GABBR2: variants seen among roughly 807,000 people sequenced by gnomAD.
GABBR2 encodes gamma-aminobutyric acid type B receptor subunit 2, also known as G-protein coupled receptor 51.
GABBR2 carries 23 observed loss-of-function variants against 105.6 expected under a neutral mutation model. That is an observed-to-expected ratio of 0.22 (90% CI 0.16 to 0.31). The LOEUF (loss-of-function observed/expected upper bound fraction) is 0.31, where lower values mean the gene tolerates loss of function less well. GABBR2 is among the 10% of genes least tolerant of loss of function. GABBR2 has a pLI of 1.00. For synonymous variants in GABBR2, 478 were observed against 499.7 expected, an observed-to-expected ratio of 0.96 and a Z score of 0.58; for missense variants, 734 against 1,245.5, an observed-to-expected ratio of 0.59 and a Z score of 6.18.
intron 3 of GABBR2, among the ~76,000 whole-genome samples, chr9:98,513,951 T>G (rs1322250538): frequency 1.3e-5 from 2 of 152,164 alleles, no homozygotes; most frequent in African/African-American, 4.8e-5. Flanking sequence ...TAAAGACACA[T>G]GCACACATGT....
rs1325590165 is a variant in GABBR2, at chr9:98,473,245, G to A, written c.900C>T (p.Ser300=). 4 of 1,613,470 alleles carry A rather than the reference G, an allele frequency of 2.5e-6. No individual in the cohort carries two copies. In the South Asian group the frequency reaches 3.3e-5, roughly 13 times the overall value. Residue 300 remains serine, a synonymous_variant, in exon 6 of 19, where the codon TCC becomes TCT. Coordinates refer to ENST00000259455, the MANE Select transcript of GABBR2 (RefSeq NM_005458.8). ...CAAGCAGATTCTTCCGGAGGCAGCG[G>A]GATGAGTTGGCTTCCGTGTGCACCT... is the stretch of plus-strand genomic sequence containing the variant. ...WEQVHTEANS[S]RCLRKNLLAA...
intron 1 of GABBR2, among the ~76,000 whole-genome samples, chr9:98,623,485 C>T (rs745651361): frequency 2.0e-5 from 3 of 152,204 alleles, no homozygotes; most frequent in Non-Finnish European, 4.4e-5. Flanking sequence ...AATTGTCTTA[C>T]AGTTTTGAAG....
At chr9:98,345,181 C>T (rs1330168786) in intron 13 of GABBR2, among the ~76,000 whole-genome samples, 1 of 152,204 alleles carries the variant, frequency 6.6e-6, no homozygotes, top group Non-Finnish European at 1.5e-5. Context: ...TGGCTTAGGT[C>T]GCCATCAGCT....
At chr9:98,630,407 A>T (rs1008545928) in intron 1 of GABBR2, among the ~76,000 whole-genome samples, 3 of 152,168 alleles carry the variant, frequency 2.0e-5, no homozygotes, top group Non-Finnish European at 2.9e-5. Context: ...TAATGTCATG[A>T]TCTTGCTTTC....
At position 98,444,879 on chromosome 9, in the gene GABBR2, G is replaced by GCGCACACACACACACA. The variant is rs939018102; in HGVS notation, c.1236+9101_1236+9102insTGTGTGTGTGTGTGCG. 1.3e-3 allele frequency among the ~76,000 whole-genome samples: 194 copies of GCGCACACACACACACA among 151,038 alleles called. 2 individuals carry two copies. The highest frequency in any genetic ancestry group is 8.9e-3 in the Admixed American group (136 of 15,206). On this transcript the variant is annotated intron_variant, in intron 7 of 18. Coordinates refer to ENST00000259455, the MANE Select transcript of GABBR2 (RefSeq NM_005458.8). ...CATGCATATGCACATGCGCGCGCGC[G>GCGCACACACACACACA]CACACACACACACACACACACGCAC... is the stretch of plus-strand genomic sequence containing the variant.
chr9:98,527,545 G>A (rs1237190801), intron 3 of GABBR2, among the ~76,000 whole-genome samples: 1 of 152,150 alleles, frequency 6.6e-6, no homozygotes, highest in Non-Finnish European at 1.5e-5. Flanking sequence ...TACATCAATA[G>A]TTTTCTCATA....
At chr9:98,343,732 C>T (rs1428712369) in intron 13 of GABBR2, among the ~76,000 whole-genome samples, 2 of 152,042 alleles carry the variant, frequency 1.3e-5, no homozygotes, top group Non-Finnish European at 2.9e-5. Flanking sequence ...GTGGCGGACG[C>T]CTGTAGTCCC....
chr9:98,450,833 A>G (rs756163465), intron 7 of GABBR2, among the ~76,000 whole-genome samples: 8 of 152,182 alleles, frequency 5.3e-5, no homozygotes, highest in Non-Finnish European at 8.8e-5. Flanking sequence ...TTGCTCATCA[A>G]GTAAGGATTA....
intron 1 of GABBR2, chr9:98,607,049 C>A: frequency 7.3e-7 from 1 of 1,376,534 alleles, no homozygotes; most frequent in Non-Finnish European, 1.0e-6. Flanking sequence ...ATCTCCCAAA[C>A]CAAGTATACA....
intron 1 of GABBR2, among the ~76,000 whole-genome samples, chr9:98,613,516 G>A (rs1159407585): frequency 1.3e-5 from 2 of 152,150 alleles, no homozygotes; most frequent in African/African-American, 4.8e-5. Context: ...ACTTGATGTG[G>A]CCAAAAGAAT....
intron 1 of GABBR2, among the ~76,000 whole-genome samples, chr9:98,684,018 A>C (rs1830586545): frequency 5.4e-4 from 1 of 1,842 alleles, no homozygotes; most frequent in African/African-American, 4.4e-3. Flanking sequence ...AAAAAAAAAA[A>C]AAAAAAAAAA....
intron 2 of GABBR2, among the ~76,000 whole-genome samples, chr9:98,571,667 C>T (rs919736062): frequency 3.3e-5 from 5 of 152,150 alleles, no homozygotes; most frequent in Non-Finnish European, 5.9e-5. Context: ...AGTTGGAGAG[C>T]CACTGACCTG....
chr9:98,651,113 A>T (rs186743250), intron 1 of GABBR2, among the ~76,000 whole-genome samples: 172 of 150,206 alleles, frequency 1.1e-3, no homozygotes, highest in African/African-American at 4.0e-3. Flanking sequence ...ATACACACAC[A>T]CCCACACACA....
At position 98,454,122 on chromosome 9, in the gene GABBR2, G is replaced by T. The variant is rs964673442; in HGVS notation, c.1095C>A (p.Ile365=). ...CCATGGCCCTCTGCAGTGTCTTGGC[G>T]ATGACCCAGATGCCATCGTAGGCGT... ...HGYAYDGIWV[I]AKTLQRAMET... is the part of the protein sequence containing the mutation. The change falls in exon 7 of 19, where the codon ATC becomes ATA. Residue 365 remains isoleucine (I), a synonymous_variant. Coordinates refer to ENST00000259455, the MANE Select transcript of GABBR2 (RefSeq NM_005458.8). This position sits in a 1 kb window ranked among gnomAD's most constrained non-coding sequence, Gnocchi z 4.6. The T allele has an allele frequency of 6.2e-7, 1 of 1,614,122 alleles. No individual in the cohort carries two copies. Among genetic ancestry groups the T allele is most frequent in the Middle Eastern group, 1.6e-4 (1 of 6,062 alleles).
chr9:98,577,883 T>C, intron 2 of GABBR2, 52 bp downstream of exon 2: 1 of 1,551,458 alleles, frequency 6.4e-7, no homozygotes, highest in Non-Finnish European at 8.7e-7. Context: ...TGCAAAAGAC[T>C]GAGGGCCAAC....
chr9:98,492,980 A>C lies in GABBR2; in HGVS notation c.732+3433T>G, dbSNP rs147697939. Among the ~76,000 whole-genome samples, 6 of 152,254 alleles carry C rather than the reference A, an allele frequency of 3.9e-5. No homozygotes were observed. In the East Asian group the frequency reaches 7.7e-4, roughly 20 times the overall value. ...GTAACTTAAGAAGTGTGTAGTTATG[A>C]CCTACCTCTTTGGAGTGTGAAGTAT... On this transcript the variant is annotated intron_variant, in intron 4 of 18. Transcript: ENST00000259455.
intron 3 of GABBR2, among the ~76,000 whole-genome samples, chr9:98,536,125 A>G (rs918720045): frequency 1.4e-4 from 22 of 152,162 alleles, no homozygotes; most frequent in African/African-American, 5.1e-4. Flanking sequence ...CAATTTTGCT[A>G]TGAATTTAAA....
In GABBR2 at chr9:98,625,602, C is replaced by T. The variant is rs996155981; in HGVS notation, c.322-47530G>A. Among the ~76,000 whole-genome samples the T allele has an allele frequency of 1.4e-4, 21 of 152,076 alleles. 1 individual carries two copies. The highest frequency in any genetic ancestry group is 9.7e-4 in the East Asian group (5 of 5,178). On this transcript the variant is annotated intron_variant, in intron 1 of 18. Transcript: ENST00000259455. ...GTGTCAAATGAGACAACAGGGTGACCGTCCCCTACAAACTGGAAGACTCTA... is the reference window on the plus strand; with the variant it reads ...GTGTCAAATGAGACAACAGGGTGACTGTCCCCTACAAACTGGAAGACTCTA...
chr9:98,650,823 C>T (rs1169065061), intron 1 of GABBR2, among the ~76,000 whole-genome samples: 1 of 152,184 alleles, frequency 6.6e-6, no homozygotes, highest in Non-Finnish European at 1.5e-5. Context: ...TTTAAAAAGC[C>T]AGTCAACTAT....
Sources: gnomAD v4.1 joint callset for allele counts (sites outside exome capture counted in the v4.1 genomes callset) on GRCh38, gnomAD v4.1.1 for gene constraint, Gnocchi (gnomAD v3.1) non-coding constraint, MANE v1.5 for transcripts, NCBI Gene and HGNC (gene_info 2026-07-23, HGNC 2026-07-21) for gene names.